Variants in NR3C1 observed in about 807,000 individuals in gnomAD.
NR3C1 encodes nuclear receptor subfamily 3 group C member 1.
Under a neutral mutation model 74.0 loss-of-function variants are expected in NR3C1, and 14 were observed. The ratio of observed to expected loss-of-function variants is 0.19; its 90% confidence interval spans 0.12 to 0.30. The LOEUF (loss-of-function observed/expected upper bound fraction) is 0.30. Among genes scored for constraint, NR3C1 ranks in the 10% least tolerant of loss-of-function variants. The pLI is 1.00. For synonymous variants in NR3C1, 308 were observed against 332.5 expected, an observed-to-expected ratio of 0.93 and a Z score of 0.80; for missense variants, 695 against 909.8, an observed-to-expected ratio of 0.76 and a Z score of 3.04.
chr5:143,405,728 T>A (rs1841074497), upstream of NR3C1, among the ~76,000 whole-genome samples: 1 of 152,094 alleles, frequency 6.6e-6, no homozygotes, highest in Non-Finnish European at 1.5e-5. Flanking sequence ...CAGAAGAATT[T>A]TTATGAAGGG....
At chr5:143,370,309 T>C (rs967021650) in intron 2 of NR3C1, among the ~76,000 whole-genome samples, 2 of 152,210 alleles carry the variant, frequency 1.3e-5, no homozygotes, top group African/African-American at 4.8e-5. Context: ...AAGGACAAGA[T>C]GGTACCCCTT....
chr5:143,282,009 T>G lies in NR3C1; in HGVS notation c.2214A>C (p.Gln738His). ...VVENLLNYCF[Q>H]TFLDKTMSIE... ...TACTCATGGTCTTATCCAAAAATGTTTGGAAGCAATAGTTAAGGAGATTTT... is the reference window on the plus strand; with the variant it reads ...TACTCATGGTCTTATCCAAAAATGTGTGGAAGCAATAGTTAAGGAGATTTT... Residue 738 changes from glutamine to histidine, a missense_variant, in exon 9 of 9, where the codon CAA becomes CAC. By Grantham distance (24) the Gln-to-His change is conservative. Coordinates refer to ENST00000394464, the MANE Select transcript of NR3C1 (RefSeq NM_000176.3). 1 of 1,613,672 alleles carries G rather than the reference T, an allele frequency of 6.2e-7. No homozygotes were observed. The highest frequency in any genetic ancestry group is 2.2e-5 in the East Asian group (1 of 44,806).
At chr5:143,321,620 C>T (rs753051851) in intron 2 of NR3C1, among the ~76,000 whole-genome samples, 20 of 152,170 alleles carry the variant, frequency 1.3e-4, no homozygotes, top group Admixed American at 6.5e-4. Context: ...TCAGTATGGT[C>T]CATAATTTGG....
chr5:143,402,782 G>C, intron 1 of NR3C1: 2 of 985,434 alleles, frequency 2.0e-6, no homozygotes, highest in Non-Finnish European at 1.2e-6. Flanking sequence ...GGCGCGCCGG[G>C]GTGGCGTGCA....
At chr5:143,294,404 AAAAG>A in intron 7 of NR3C1, 11 of 829,348 alleles carry the variant, frequency 1.3e-5, no homozygotes, top group Non-Finnish European at 1.5e-5. Context: ...CTTTTTTTAA[AAAAG>A]ACTTTTTTTA....
chr5:143,312,172 G>T (rs1821122837), intron 3 of NR3C1, among the ~76,000 whole-genome samples: 1 of 152,056 alleles, frequency 6.6e-6, no homozygotes, highest in South Asian at 2.1e-4. Flanking sequence ...TTTATGGTGG[G>T]TGTGGTAGCC....
chr5:143,358,423 T>C (rs1831571209), intron 2 of NR3C1, among the ~76,000 whole-genome samples: 1 of 152,206 alleles, frequency 6.6e-6, no homozygotes, highest in Non-Finnish European at 1.5e-5. Context: ...TTTGAACACT[T>C]TTGCCATTAT....
rs778842465 is a variant in NR3C1 at position 143,300,446 on chromosome 5, A to G, written c.1747+39T>C. ...AAGTGTTTTTGCTGAAGAAAACACA[A>G]AGGTTTATATAGTTGCTCTTTTATG... On this transcript the variant is annotated intron_variant, in intron 5 of 8. Transcript: ENST00000394464. The surrounding 1 kb of genome is among the most constrained non-coding windows in gnomAD (Gnocchi z 5.2). The G allele has an allele frequency of 8.7e-5, 140 of 1,613,622 alleles. No homozygotes were observed. Among genetic ancestry groups the G allele is most frequent in the Admixed American group, 3.8e-4 (23 of 60,002 alleles).
intron 1 of NR3C1, among the ~76,000 whole-genome samples, chr5:143,414,276 C>G (rs1406267781): frequency 2.0e-5 from 3 of 152,120 alleles, no homozygotes; most frequent in Non-Finnish European, 4.4e-5. Flanking sequence ...GAATATGATT[C>G]CAACAATATG....
intron 2 of NR3C1, among the ~76,000 whole-genome samples, chr5:143,344,067 A>G (rs1026498247): frequency 6.6e-6 from 1 of 152,260 alleles, no homozygotes; most frequent in East Asian, 1.9e-4. Context: ...TTTGGACTGT[A>G]TAAGATGTAG....
Position 143,279,308 on chromosome 5 carries a change from T to TC in NR3C1, c.*2580dup. ...ATTATTGACAACGAAGTGCACATAA[T>TC]CTTCTTTTTCTCATTGAGTTCTATT... On this transcript the variant is annotated 3_prime_UTR_variant, in exon 9 of 9. Coordinates refer to ENST00000394464, the MANE Select transcript of NR3C1 (RefSeq NM_000176.3). The TC allele has an allele frequency of 6.5e-7, 1 of 1,532,280 alleles. No individual in the cohort carries two copies. The highest frequency in any genetic ancestry group is 8.8e-7 in the Non-Finnish European group (1 of 1,140,196). 94.9% of individuals were successfully genotyped at this position (1,532,280 alleles called of 1,614,324 possible).
At chr5:143,434,876 A>G in exon 1 of NR3C1, 1 of 985,440 alleles carries the variant, frequency 1.0e-6, no homozygotes, top group Non-Finnish European at 1.2e-6. Context: ...ATGAACAAAT[A>G]GCTACCAACG....
intron 2 of NR3C1, among the ~76,000 whole-genome samples, chr5:143,350,483 G>A (rs1400568529): frequency 6.6e-6 from 1 of 152,128 alleles, no homozygotes; most frequent in African/African-American, 2.4e-5. Flanking sequence ...CTGAGATAGG[G>A]ACTACAGGAG....
At chr5:143,331,384 A>G (rs1047375556) in intron 2 of NR3C1, among the ~76,000 whole-genome samples, 2 of 152,216 alleles carry the variant, frequency 1.3e-5, no homozygotes, top group African/African-American at 2.4e-5. Flanking sequence ...TGATTTCTCA[A>G]AGAACTTAAA....
At chr5:143,376,177 A>G (rs1016674637) in intron 2 of NR3C1, among the ~76,000 whole-genome samples, 2 of 152,242 alleles carry the variant, frequency 1.3e-5, no homozygotes, top group Admixed American at 6.5e-5. Context: ...ATAAGCCAAA[A>G]AAGTTTGTAT....
At chr5:143,312,715 G>C (rs766008316) in intron 3 of NR3C1, among the ~76,000 whole-genome samples, 8 of 152,146 alleles carry the variant, frequency 5.3e-5, no homozygotes, top group Non-Finnish European at 1.2e-4. Flanking sequence ...CATAAAAGTT[G>C]AAAAATCGTT....
chr5:143,291,258 CCTCT>C (rs1815878083), intron 7 of NR3C1, among the ~76,000 whole-genome samples: 1 of 151,890 alleles, frequency 6.6e-6, no homozygotes, highest in Non-Finnish European at 1.5e-5. Context: ...ATGGAGTCTC[CCTCT>C]GTCACTAGGC....
chr5:143,278,884 T>C lies in NR3C1; in HGVS notation c.*3005A>G. On this transcript the variant is annotated 3_prime_UTR_variant, in exon 9 of 9. Transcript: ENST00000394464. ...TCCAGCACTTCATAGACACAAATCA[T>C]GTTAGTTTTCCTTTTGGGGTGGCCA... is the stretch of plus-strand genomic sequence containing the variant. 6.4e-6 allele frequency: 1 copy of C among 156,392 alleles called. No homozygotes were observed. The highest frequency in any genetic ancestry group is 1.4e-5 in the Non-Finnish European group (1 of 71,168). The allele number at this position is 156,392 out of a possible 1,614,324, so 9.7% of individuals were successfully genotyped here.
intron 1 of NR3C1, among the ~76,000 whole-genome samples, chr5:143,422,363 C>T (rs546338836): frequency 1.2e-4 from 19 of 152,272 alleles, no homozygotes; most frequent in South Asian, 4.1e-4. Context: ...GCCTAGGCTA[C>T]GGGTTCGTTG....
Sources: allele counts gnomAD v4.1 joint callset (sites outside exome capture counted in the v4.1 genomes callset), GRCh38; gene constraint gnomAD v4.1.1; non-coding constraint Gnocchi (gnomAD v3.1); transcripts MANE v1.5; gene names NCBI Gene and HGNC (gene_info 2026-07-23, HGNC 2026-07-21).